The following COL24A1 variants were observed in gnomAD, a reference collection of about 807,000 sequenced individuals.
COL24A1 encodes collagen type XXIV alpha 1 chain.
In COL24A1, 224 loss-of-function variants were observed where a neutral mutation model predicts 253.9. That is an observed-to-expected ratio of 0.88 (90% CI 0.79 to 0.99). The LOEUF (loss-of-function observed/expected upper bound fraction) is 0.99, where lower values mean the gene tolerates loss of function less well. Among genes scored for constraint, COL24A1 ranks in the 50% least tolerant of loss-of-function variants. COL24A1 has a pLI of 0.00. For synonymous variants in COL24A1, 685 were observed against 673.7 expected (o/e 1.02, Z -0.26); for missense variants, 2,131 against 2,068.5 (o/e 1.03, Z -0.59).
chr1:86,015,938 G>A lies in COL24A1; in HGVS notation c.2310+1213C>T, dbSNP rs533921842. Among the ~76,000 whole-genome samples, 15 of 145,978 alleles carry A rather than the reference G, an allele frequency of 1.0e-4. No individual in the cohort carries two copies. In the East Asian group the frequency reaches 2.8e-3, roughly 27 times the overall value. ...CTCATTTTGTCACCCAGGCTGAAGTGCAGTGGTGCCACCCCAGGCTCAAGT... is the reference window on the plus strand; with the variant it reads ...CTCATTTTGTCACCCAGGCTGAAGTACAGTGGTGCCACCCCAGGCTCAAGT... On this transcript the variant is annotated intron_variant, in intron 19 of 59. Coordinates refer to ENST00000370571, the MANE Select transcript of COL24A1 (RefSeq NM_152890.7).
At chr1:85,996,286 C>T (rs1286465248) in intron 19 of COL24A1, among the ~76,000 whole-genome samples, 2 of 152,096 alleles carry the variant, frequency 1.3e-5, no homozygotes, top group African/African-American at 4.8e-5. Context: ...TTGAAGGTAA[C>T]AGCATAACCA....
chr1:86,075,797 T>C (rs1318618005), intron 7 of COL24A1, among the ~76,000 whole-genome samples: 1 of 152,148 alleles, frequency 6.6e-6, no homozygotes, highest in Non-Finnish European at 1.5e-5. Context: ...AAAAACCACA[T>C]GATTATCTCA....
At chr1:86,089,429 C>T (rs866247342) in intron 6 of COL24A1, among the ~76,000 whole-genome samples, 2 of 152,210 alleles carry the variant, frequency 1.3e-5, no homozygotes, top group South Asian at 2.1e-4. Flanking sequence ...TATTTTCCCA[C>T]CTCCATATCC....
chr1:86,130,874 T>C (rs563785490), intron 2 of COL24A1, among the ~76,000 whole-genome samples: 5 of 152,120 alleles, frequency 3.3e-5, no homozygotes, highest in Non-Finnish European at 5.9e-5. Flanking sequence ...TTTTGACAAA[T>C]AGAGCCAGAC....
At chr1:86,094,718 T>A (rs1703776100) in intron 5 of COL24A1, among the ~76,000 whole-genome samples, 1 of 152,014 alleles carries the variant, frequency 6.6e-6, no homozygotes, top group Non-Finnish European at 1.5e-5. Context: ...GGCTACAATT[T>A]TAGGTCATTG....
intron 57 of COL24A1, among the ~76,000 whole-genome samples, chr1:85,738,052 T>C (rs897687654): frequency 2.6e-5 from 4 of 152,344 alleles, no homozygotes; most frequent in Middle Eastern, 3.4e-3. Context: ...TAATCAATTA[T>C]GATTAAATTA....
intron 7 of COL24A1, among the ~76,000 whole-genome samples, chr1:86,086,780 A>G (rs1019348769): frequency 1.3e-5 from 2 of 152,168 alleles, no homozygotes; most frequent in Non-Finnish European, 2.9e-5. Context: ...GACATACCAT[A>G]AGGAGTATGA....
intron 19 of COL24A1, among the ~76,000 whole-genome samples, chr1:86,004,299 T>TA (rs1395170428): frequency 6.6e-6 from 1 of 151,970 alleles, no homozygotes; most frequent in Non-Finnish European, 1.5e-5. Flanking sequence ...CTACTAGCAC[T>TA]ACTATCTAGA....
In COL24A1 at chr1:85,825,057, A is replaced by G. The variant is rs1022284736; in HGVS notation, c.3682-1319T>C. ...CATCTAGCATTAGGTATATCCCCCA[A>G]TGCTATCCCTCTCCCCTCCCCCCAC... is the stretch of plus-strand genomic sequence containing the variant. On this transcript the variant is annotated intron_variant, in intron 43 of 59. Transcript: ENST00000370571. 2.4e-4 allele frequency among the ~76,000 whole-genome samples: 36 copies of G among 149,220 alleles called. 1 individual carries two copies. The highest frequency in any genetic ancestry group is 4.4e-4 in the South Asian group (2 of 4,566).
intron 20 of COL24A1, among the ~76,000 whole-genome samples, chr1:85,980,772 G>A (rs1332580891): frequency 6.6e-6 from 1 of 152,100 alleles, no homozygotes; most frequent in Non-Finnish European, 1.5e-5. Context: ...AGCCAGGCAT[G>A]GTGGTGGGCA....
At chr1:85,853,002 T>G (rs1366500917) in intron 37 of COL24A1, among the ~76,000 whole-genome samples, 2 of 152,196 alleles carry the variant, frequency 1.3e-5, no homozygotes, top group Non-Finnish European at 1.5e-5. Flanking sequence ...AAGGGGTACA[T>G]GTGCAGGTTT....
intron 24 of COL24A1, among the ~76,000 whole-genome samples, chr1:85,923,265 A>G (rs1286685801): frequency 6.6e-6 from 1 of 152,198 alleles, no homozygotes; most frequent in African/African-American, 2.4e-5. Context: ...GATCAACAAG[A>G]CAGAAGGTTA....
At chr1:86,144,935 C>T (rs959326404) in intron 2 of COL24A1, among the ~76,000 whole-genome samples, 13 of 152,054 alleles carry the variant, frequency 8.5e-5, no homozygotes, top group Non-Finnish European at 1.9e-4. Flanking sequence ...AGTTTTTCTC[C>T]TCTTCATGGC....
intron 1 of COL24A1, 181 bp downstream of exon 1, chr1:86,156,160 T>A: frequency 1.7e-6 from 1 of 572,394 alleles, no homozygotes; most frequent in South Asian, 2.4e-5. Context: ...AGGCATCCTT[T>A]CAAACACGGT....
intron 47 of COL24A1, among the ~76,000 whole-genome samples, chr1:85,797,053 A>T (rs1570653392): frequency 1.3e-5 from 2 of 151,640 alleles, no homozygotes; most frequent in East Asian, 3.9e-4. Flanking sequence ...ACAAAAAAAA[A>T]AAAATTAGCC....
intron 14 of COL24A1, among the ~76,000 whole-genome samples, chr1:86,028,394 G>T (rs764582735): frequency 2.0e-5 from 3 of 152,172 alleles, no homozygotes; most frequent in Admixed American, 2.0e-4. Flanking sequence ...GACATAATTG[G>T]ATCATGGAGA....
At chr1:85,984,603 C>T (rs982889285) in intron 20 of COL24A1, among the ~76,000 whole-genome samples, 3 of 151,742 alleles carry the variant, frequency 2.0e-5, no homozygotes, top group African/African-American at 7.2e-5. Flanking sequence ...CCTATGTATG[C>T]ACCAGGTGAA....
intron 12 of COL24A1, among the ~76,000 whole-genome samples, chr1:86,043,702 A>G (rs1014463456): frequency 6.6e-6 from 1 of 151,810 alleles, no homozygotes; most frequent in African/African-American, 2.4e-5. Flanking sequence ...TAATTTTTGT[A>G]TTTTTAGTAG....
intron 57 of COL24A1, among the ~76,000 whole-genome samples, chr1:85,738,010 A>G (rs1377122146): frequency 2.6e-5 from 4 of 152,228 alleles, no homozygotes; most frequent in Non-Finnish European, 5.9e-5. Flanking sequence ...TATTTTTCAC[A>G]TAACTATCAA....
Sources: allele counts gnomAD v4.1 joint callset (sites outside exome capture counted in the v4.1 genomes callset), GRCh38; gene constraint gnomAD v4.1.1; transcripts MANE v1.5; gene names NCBI Gene and HGNC (gene_info 2026-07-23, HGNC 2026-07-21).